GSTA4: variants seen among roughly 807,000 people sequenced by gnomAD.
GSTA4 encodes the protein glutathione S-transferase A4.
In GSTA4, 15 loss-of-function variants were observed where a neutral mutation model predicts 24.4. The observed-to-expected ratio is 0.61, with a 90% CI of 0.41 to 0.95. The LOEUF is 0.95. Among genes scored for constraint, GSTA4 ranks in the 40% least tolerant of loss-of-function variants. The pLI, the probability that GSTA4 is intolerant of heterozygous loss-of-function variation, is 0.00. For missense variants in GSTA4, 244 were observed against 262.1 expected (o/e 0.93, Z 0.48); for synonymous variants, 92 against 94.2 (o/e 0.98, Z 0.13).
At chr6:52,984,678 G>T in intron 4 of GSTA4, 73 bp from the exon 5 acceptor site, 16 of 1,110,394 alleles carry the variant, frequency 1.4e-5, no homozygotes, top group African/African-American at 3.7e-5. Flanking sequence ...TAAGAATTCA[G>T]AGTGCTTTTT....
chr6:52,978,522 G>A lies in GSTA4; in HGVS notation c.617C>T (p.Pro206Leu). The A allele has an allele frequency of 6.2e-7, 1 of 1,612,754 alleles. No homozygotes were observed. The highest frequency in any genetic ancestry group is 2.2e-5 in the East Asian group (1 of 44,870). Residue 206 changes from proline (P) to leucine (L), a missense_variant, in exon 7 of 7, where the codon CCT (proline) becomes CTT (leucine). Physicochemically the swap from Pro to Leu is moderately conservative, Grantham distance 98. Coordinates refer to ENST00000370963, the MANE Select transcript of GSTA4 (RefSeq NM_001512.4). Reference protein sequence around the residue: ...RFLEPGSKKKPPPDEIYVRTV... With the variant: ...RFLEPGSKKKLPPDEIYVRTV... ...TCTCACATAAATTTCATCAGGGGGAGGCTTCTTCTTGCTGCCAGGTTCAAG... is the reference window on the plus strand; with the variant it reads ...TCTCACATAAATTTCATCAGGGGGAAGCTTCTTCTTGCTGCCAGGTTCAAG...
intron 5 of GSTA4, among the ~76,000 whole-genome samples, chr6:52,983,865 A>G (rs1763499775): frequency 6.6e-6 from 1 of 152,232 alleles, no homozygotes; most frequent in Non-Finnish European, 1.5e-5. Flanking sequence ...TGGTCAGAGG[A>G]AGCTTGCCAA....
chr6:52,984,202 T>A (rs1763506482), intron 5 of GSTA4, among the ~76,000 whole-genome samples: 1 of 152,238 alleles, frequency 6.6e-6, no homozygotes, highest in African/African-American at 2.4e-5. Flanking sequence ...ACTTGGTGAA[T>A]GCAAGGAACA....
chr6:52,980,553 T>C (rs597295), intron 6 of GSTA4, among the ~76,000 whole-genome samples: 85,731 of 151,966 alleles, frequency 0.56, 24,527 homozygotes, highest in East Asian at 0.74. Context: ...ATCCACCCAC[T>C]TCAGCCACCC....
intron 2 of GSTA4, among the ~76,000 whole-genome samples, chr6:52,993,051 C>T (rs1174021010): frequency 2.6e-5 from 4 of 151,642 alleles, no homozygotes; most frequent in African/African-American, 4.8e-5. Flanking sequence ...TGCAGTGAGC[C>T]GAGATCACAC....
intron 3 of GSTA4, among the ~76,000 whole-genome samples, chr6:52,986,142 G>C (rs553665370): frequency 1.3e-5 from 2 of 152,326 alleles, no homozygotes; most frequent in South Asian, 4.2e-4. Flanking sequence ...ATAAGGGATT[G>C]AGGGGAATGT....
chr6:52,982,512 A>C, intron 6 of GSTA4, 62 bp downstream of exon 6: 1 of 1,275,510 alleles, frequency 7.8e-7, no homozygotes, highest in Non-Finnish European at 1.1e-6. Flanking sequence ...CAACCAAACA[A>C]TAGACACTGA....
chr6:52,993,618 A>G (rs2127388803), intron 2 of GSTA4, among the ~76,000 whole-genome samples: 1 of 152,372 alleles, frequency 6.6e-6, no homozygotes, highest in East Asian at 1.9e-4. Flanking sequence ...AAGGGAGGTG[A>G]TAGATGAAAC....
chr6:52,984,683 C>CCT, intron 4 of GSTA4, 78 bp from the exon 5 acceptor site: 1 of 789,070 alleles, frequency 1.3e-6, no homozygotes. Context: ...ATTCAGAGTG[C>CCT]TTTTTTTTTT....
At chr6:52,983,490 C>T (rs1461881643) in intron 5 of GSTA4, among the ~76,000 whole-genome samples, 1 of 152,200 alleles carries the variant, frequency 6.6e-6, no homozygotes, top group Non-Finnish European at 1.5e-5. Flanking sequence ...TGGCATAGTA[C>T]AATGCATCCT....
chr6:52,978,500 C>T lies in GSTA4; in HGVS notation c.639G>A (p.Val213=), dbSNP rs1424624583. 6.2e-7 allele frequency: 1 copy of T among 1,613,688 alleles called. No homozygotes were observed. Among genetic ancestry groups the T allele is most frequent in the East Asian group, 2.2e-5 (1 of 44,862 alleles). Residue 213 remains valine, a synonymous_variant, in exon 7 of 7, where the codon GTG becomes GTA. Transcript: ENST00000370963. Reference sequence around the variant, plus strand: ...GCCTAAAGATGTTGTAGACGGTTCTCACATAAATTTCATCAGGGGGAGGCT... The same window carrying T: ...GCCTAAAGATGTTGTAGACGGTTCTTACATAAATTTCATCAGGGGGAGGCT... ...KKKPPPDEIY[V]RTVYNIFRP is the part of the protein sequence containing the mutation.
rs181047834 is a variant in GSTA4 at position 52,994,296 on chromosome 6, A to G, written c.-18-35T>C. ...AAATGCAGCAGCTCGTCGCAGACCAACAGTCCCAATTTCGCGTCTTCAACC... is the reference window on the plus strand; with the variant it reads ...AAATGCAGCAGCTCGTCGCAGACCAGCAGTCCCAATTTCGCGTCTTCAACC... On this transcript the variant is annotated intron_variant, in intron 1 of 6. Coordinates refer to ENST00000370963, the MANE Select transcript of GSTA4 (RefSeq NM_001512.4). The G allele has an allele frequency of 2.6e-4, 316 of 1,201,312 alleles. 3 individuals are homozygous for G. In the Admixed American group the frequency reaches 5.4e-3, roughly 20 times the overall value. The allele number at this position is 1,201,312 out of a possible 1,614,324, so 74.4% of individuals were successfully genotyped here. A position where few individuals can be genotyped will look rare whatever the true frequency, so the allele number is the denominator to read the frequency against.
At chr6:52,984,000 A>G (rs903723882) in intron 5 of GSTA4, among the ~76,000 whole-genome samples, 1 of 152,220 alleles carries the variant, frequency 6.6e-6, no homozygotes, top group Non-Finnish European at 1.5e-5. Context: ...AGAAGAGAAA[A>G]ACAACAAAAC....
At position 52,988,300 on chromosome 6, in the gene GSTA4, A is replaced by C. The variant is rs1016675822; in HGVS notation, c.88-892T>G. On this transcript the variant is annotated intron_variant, in intron 2 of 6. Transcript: ENST00000370963. ...GATGATGCTAAAAAAAAAAAAAGGT[A>C]GGAGGAAGGAAAAGCTCTTTTTTAC... Among the ~76,000 whole-genome samples, 89 of 150,618 alleles carry C rather than the reference A, an allele frequency of 5.9e-4. 1 individual carries two copies. Among genetic ancestry groups the C allele is most frequent in the African/African-American group, 2.0e-3 (81 of 41,116 alleles).
At chr6:52,980,419 C>T (rs1273680258) in intron 6 of GSTA4, among the ~76,000 whole-genome samples, 2 of 151,966 alleles carry the variant, frequency 1.3e-5, no homozygotes, top group African/African-American at 2.4e-5. Flanking sequence ...ATTCTCCTGC[C>T]TCAGCCTCCG....
intron 6 of GSTA4, among the ~76,000 whole-genome samples, chr6:52,979,638 T>C (rs1001199390): frequency 1.3e-5 from 2 of 151,982 alleles, no homozygotes; most frequent in South Asian, 2.1e-4. Context: ...TTTAAAGATA[T>C]TTAAATAAAA....
intron 2 of GSTA4, 107 bp downstream of exon 2, chr6:52,994,050 T>C: frequency 3.8e-6 from 3 of 799,736 alleles, no homozygotes; most frequent in Non-Finnish European, 6.7e-6. Flanking sequence ...GTGCCTGTGA[T>C]TTTGGTGGAC....
chr6:52,983,485 T>A (rs1763492486), intron 5 of GSTA4, among the ~76,000 whole-genome samples: 1 of 152,214 alleles, frequency 6.6e-6, no homozygotes, highest in Non-Finnish European at 1.5e-5. Flanking sequence ...CAGAGTGGCA[T>A]AGTACAATGC....
rs1476003460 is a variant in GSTA4 at position 52,994,229 on chromosome 6, G to C, written c.15C>G (p.Pro5=). 9 of 1,612,090 alleles carry C rather than the reference G, an allele frequency of 5.6e-6. No homozygotes were observed. The African/African-American group carries it at 1.2e-4, about 22-fold the overall frequency. Residue 5 remains proline (P), a synonymous_variant, in exon 2 of 7, where the codon CCC becomes CCG. Transcript: ENST00000370963. MAAR[P]KLHYPNGRGR... ...CTCTTCCGTTGGGATAGTGGAGCTT[G>C]GGCCTTGCTGCCATGATAGCTTTTC... is the stretch of plus-strand genomic sequence containing the variant.
Sources: gnomAD v4.1 joint callset for allele counts (sites outside exome capture counted in the v4.1 genomes callset) on GRCh38, gnomAD v4.1.1 for gene constraint, MANE v1.5 for transcripts, NCBI Gene and HGNC (gene_info 2026-07-23, HGNC 2026-07-21) for gene names.